Variants in MAML2 observed in about 807,000 individuals in gnomAD.
The protein encoded by MAML2 is mastermind like transcriptional coactivator 2, also known as mastermind-like protein 2.
Under a neutral mutation model 96.1 loss-of-function variants are expected in MAML2, and 22 were observed. The ratio of observed to expected loss-of-function variants is 0.23; its 90% CI spans 0.16 to 0.33. The LOEUF (loss-of-function observed/expected upper bound fraction) is 0.33. Ranked by LOEUF, MAML2 falls within the 10% of genes least tolerant of loss-of-function variation. The pLI, the probability that MAML2 is intolerant of heterozygous loss-of-function variation, is 1.00. For synonymous variants in MAML2, 561 were observed against 521.3 expected, an observed-to-expected ratio of 1.08 and a Z score of -1.04; for missense variants, 1,367 against 1,392.4, an observed-to-expected ratio of 0.98 and a Z score of 0.29.
chr11:96,011,020 G>T (rs1858257482), intron 2 of MAML2, among the ~76,000 whole-genome samples: 1 of 152,048 alleles, frequency 6.6e-6, no homozygotes, highest in African/African-American at 2.4e-5. Flanking sequence ...AAATGGTTAT[G>T]CTTACTATTT....
chr11:96,172,666 C>T (rs887523654), intron 1 of MAML2, among the ~76,000 whole-genome samples: 7 of 152,162 alleles, frequency 4.6e-5, no homozygotes, highest in South Asian at 4.1e-4. Context: ...TATGAAGTAG[C>T]ATATGTGTTA....
intron 1 of MAML2, among the ~76,000 whole-genome samples, chr11:96,311,877 CCTT>C (rs2136004783): frequency 6.6e-6 from 1 of 152,162 alleles, no homozygotes; most frequent in Admixed American, 6.5e-5. Context: ...GCAAAGATAT[CCTT>C]CTTTGCCAGT....
intron 1 of MAML2, among the ~76,000 whole-genome samples, chr11:96,231,518 C>A (rs1211579406): frequency 6.6e-6 from 1 of 152,112 alleles, no homozygotes; most frequent in Non-Finnish European, 1.5e-5. Context: ...GAGATGCACC[C>A]TGAGGACTTG....
At position 96,332,670 on chromosome 11, in the gene MAML2, T is replaced by C. The variant is rs549955080; in HGVS notation, c.513+8713A>G. 1.9e-4 allele frequency among the ~76,000 whole-genome samples: 29 copies of C among 152,332 alleles called. No individual in the cohort carries two copies. In the South Asian group the frequency reaches 5.0e-3, roughly 26 times the overall value. Reference sequence around the variant, plus strand: ...AGCACATACTTTGTGCTGTCTGAAATTAAGTAGCACGGTGTGGCAATCAAA... The same window carrying C: ...AGCACATACTTTGTGCTGTCTGAAACTAAGTAGCACGGTGTGGCAATCAAA... On this transcript the variant is annotated intron_variant, in intron 1 of 4. Coordinates refer to ENST00000524717, the MANE Select transcript of MAML2 (RefSeq NM_032427.4).
chr11:96,312,809 A>C (rs1863562663), intron 1 of MAML2, among the ~76,000 whole-genome samples: 1 of 152,240 alleles, frequency 6.6e-6, no homozygotes, highest in Non-Finnish European at 1.5e-5. Context: ...GTTGTGAAAA[A>C]TAGCTTTAGT....
chr11:96,142,299 A>G (rs1433407866), intron 1 of MAML2, among the ~76,000 whole-genome samples: 1 of 152,172 alleles, frequency 6.6e-6, no homozygotes, highest in Non-Finnish European at 1.5e-5. Flanking sequence ...TTTCTCATCT[A>G]TTTGGGAGAA....
At chr11:96,270,590 T>C (rs994787361) in intron 1 of MAML2, among the ~76,000 whole-genome samples, 5 of 152,202 alleles carry the variant, frequency 3.3e-5, no homozygotes, top group African/African-American at 1.2e-4. Flanking sequence ...ATTACAGGCA[T>C]GAGCCACCAT....
Position 96,293,614 on chromosome 11 carries a change from A to C in MAML2, c.513+47769T>G, listed in dbSNP as rs1359976950. Among the ~76,000 whole-genome samples the C allele has an allele frequency of 3.3e-5, 5 of 152,296 alleles. 1 individual carries two copies. The South Asian group carries it at 1.0e-3, about 32-fold the overall frequency. On this transcript the variant is annotated intron_variant, in intron 1 of 4. Coordinates refer to ENST00000524717, the MANE Select transcript of MAML2 (RefSeq NM_032427.4). ...CAACAGCAAAATATCAATCTTGAAGACTCCAGCAGTAGGGACCCTCAAAAA... is the reference window on the plus strand; with the variant it reads ...CAACAGCAAAATATCAATCTTGAAGCCTCCAGCAGTAGGGACCCTCAAAAA...
At chr11:96,283,396 T>C (rs1863097570) in intron 1 of MAML2, among the ~76,000 whole-genome samples, 3 of 152,200 alleles carry the variant, frequency 2.0e-5, no homozygotes, top group Admixed American at 6.5e-5. Flanking sequence ...ATTAGAACAC[T>C]TGACATGGGA....
intron 1 of MAML2, among the ~76,000 whole-genome samples, chr11:96,245,767 C>T (rs1050871874): frequency 1.4e-4 from 21 of 148,760 alleles, no homozygotes; most frequent in Middle Eastern, 3.5e-3. Context: ...TGCAGCGGTG[C>T]GATCTCGGCT....
chr11:96,244,979 G>A (rs749284356), intron 1 of MAML2, among the ~76,000 whole-genome samples: 2 of 152,160 alleles, frequency 1.3e-5, no homozygotes, highest in Non-Finnish European at 2.9e-5. Context: ...TAAAATGTCA[G>A]ATGTTAGATG....
At chr11:96,173,274 A>G (rs1348629845) in intron 1 of MAML2, among the ~76,000 whole-genome samples, 5 of 152,216 alleles carry the variant, frequency 3.3e-5, no homozygotes, top group African/African-American at 4.8e-5. Flanking sequence ...TCTTTCTACC[A>G]TGACAGGAAG....
At chr11:96,113,172 C>CAA (rs746481079) in intron 1 of MAML2, among the ~76,000 whole-genome samples, 937 of 26,760 alleles carry the variant, frequency 0.035, 10 homozygotes, top group African/African-American at 0.065. Flanking sequence ...CTTTAAAAGA[C>CAA]AAAAAAAAAA....
rs752694559 is a variant in MAML2 at position 95,991,536 on chromosome 11, T to C, written c.2327A>G (p.Gln776Arg). ...AAGTTTTACCGCGTCAGCCAGCATC[T>C]GCTGCTGGAGAAGAAGTTGCTGTTT... is the stretch of plus-strand genomic sequence containing the variant. ...EQKQQLLLQQ[Q>R]MLADAEKIAP... Residue 776 changes from glutamine to arginine, a missense_variant, in exon 3 of 5, where the codon CAG becomes CGG. By Grantham distance (43) the Gln-to-Arg change is conservative. Transcript: ENST00000524717. The C allele has an allele frequency of 5.0e-6, 8 of 1,613,458 alleles. No homozygotes were observed. In the Admixed American group the frequency reaches 1.2e-4, roughly 24 times the overall value.
intron 1 of MAML2, among the ~76,000 whole-genome samples, chr11:96,132,939 C>A (rs139859291): frequency 7.2e-5 from 11 of 152,138 alleles, no homozygotes; most frequent in Non-Finnish European, 1.6e-4. Context: ...ACATGATGAC[C>A]ATGCCCAACA....
intron 1 of MAML2, among the ~76,000 whole-genome samples, chr11:96,209,608 A>AC (rs58575722): frequency 0.71 from 106,121 of 150,166 alleles, 37,450 homozygotes; most frequent in East Asian, 0.81. Context: ...AAACAAACAA[A>AC]AAAGCAAAGT....
chr11:96,096,284 G>C (rs1263982390), intron 1 of MAML2, among the ~76,000 whole-genome samples: 2 of 152,116 alleles, frequency 1.3e-5, no homozygotes. Flanking sequence ...TAGGCTATGA[G>C]GAGTGTAGAG....
At chr11:96,061,176 A>T (rs1203185267) in intron 2 of MAML2, among the ~76,000 whole-genome samples, 6 of 152,238 alleles carry the variant, frequency 3.9e-5, no homozygotes. Flanking sequence ...TCGAATTCCC[A>T]AGAAAATATT....
intron 1 of MAML2, among the ~76,000 whole-genome samples, chr11:96,264,557 C>T (rs912803623): frequency 3.9e-5 from 6 of 152,080 alleles, no homozygotes; most frequent in Non-Finnish European, 7.4e-5. Context: ...TATTCCTGAC[C>T]CTCTTAGTCA....
Sources: gnomAD v4.1 joint callset for allele counts (sites outside exome capture counted in the v4.1 genomes callset) on GRCh38, gnomAD v4.1.1 for gene constraint, MANE v1.5 for transcripts, NCBI Gene and HGNC (gene_info 2026-07-23, HGNC 2026-07-21) for gene names.